The following NID2 variants were observed in gnomAD, a reference collection of about 807,000 sequenced individuals.
NID2 encodes the protein nidogen 2.
NID2 carries 83 observed loss-of-function variants against 145.4 expected under a neutral mutation model. The ratio of observed to expected loss-of-function variants is 0.57; its 90% CI spans 0.48 to 0.69. The LOEUF is 0.69. Among genes scored for constraint, NID2 ranks in the 30% least tolerant of loss-of-function variants. NID2 has a pLI of 0.00. For missense variants in NID2, 1,807 were observed against 1,765.7 expected, an observed-to-expected ratio of 1.02 and a Z score of -0.42; for synonymous variants, 739 against 701.3, an observed-to-expected ratio of 1.05 and a Z score of -0.85.
intron 5 of NID2, among the ~76,000 whole-genome samples, chr14:52,049,815 C>G (rs1369103594): frequency 6.6e-6 from 1 of 152,186 alleles, no homozygotes; most frequent in Non-Finnish European, 1.5e-5. Flanking sequence ...AACAGGCTCT[C>G]TCCACTTCTG....
In NID2 at chr14:52,014,343, G is replaced by A. The variant is rs766481681; in HGVS notation, c.3364C>T (p.Pro1122Ser). ...TTCTGAAGCCTGGTGCCATTGAGGG[G>A]TAAGTAGCCAATCTGCTGGCCCTGA... ...YTQGQQIGYLPLNGTRLQKDA... is the reference protein window; with the variant it reads ...YTQGQQIGYLSLNGTRLQKDA... The change falls in exon 16 of 22, where the codon CCC becomes TCC. Residue 1122 changes from proline (P) to serine (S), a missense_variant. Pro to Ser is a moderately conservative substitution (Grantham distance 74, BLOSUM62 -1). Coordinates refer to ENST00000216286, the MANE Select transcript of NID2 (RefSeq NM_007361.4). 6.2e-6 allele frequency: 10 copies of A among 1,614,142 alleles called. No homozygotes were observed. In the African/African-American group the frequency reaches 8.0e-5, roughly 13 times the overall value.
At chr14:52,060,041 G>T in intron 3 of NID2, 83 bp downstream of exon 3, 1 of 935,820 alleles carries the variant, frequency 1.1e-6, no homozygotes, top group Non-Finnish European at 1.6e-6. Context: ...ATTATGTAAT[G>T]GTCTTATGGT....
rs550507960 is a variant in NID2, at chr14:52,034,494, C to T, written c.2257+4253G>A. ...AAATCAACTCACATTTTCATGTGTT[C>T]ATTTGCTACCTTACAATCCAATATC... is the stretch of plus-strand genomic sequence containing the variant. On this transcript the variant is annotated intron_variant, in intron 9 of 21. Transcript: ENST00000216286. 1.0e-3 allele frequency among the ~76,000 whole-genome samples: 154 copies of T among 152,324 alleles called. 5 individuals carry two copies. In the South Asian group the frequency reaches 0.03, roughly 30 times the overall value.
chr14:52,019,415 ATTTTAT>A, intron 13 of NID2, 121 bp from the exon 14 acceptor site: 1 of 682,806 alleles, frequency 1.5e-6, no homozygotes, highest in East Asian at 2.8e-5. Context: ...CGAGATTCTT[ATTTTAT>A]AATACCTTGC....
At chr14:52,029,445 G>A (rs1381891179) in intron 10 of NID2, 102 bp downstream of exon 10, 6 of 1,075,720 alleles carry the variant, frequency 5.6e-6, no homozygotes, top group Non-Finnish European at 5.4e-6. Context: ...GACAATGGAG[G>A]TTGTAAAGGT....
At chr14:52,030,568 GGAAGGAAGGGAAAGAA>G (rs1891800092) in intron 9 of NID2, among the ~76,000 whole-genome samples, 1 of 37,692 alleles carries the variant, frequency 2.7e-5, no homozygotes, top group Non-Finnish European at 5.8e-5. Context: ...AAGAAAGAAA[GGAAGGAAGGGAAAGAA>G]AGAAAGAAAG....
chr14:52,030,562 A>AC (rs1555363717), intron 9 of NID2, among the ~76,000 whole-genome samples: 1 of 65,002 alleles, frequency 1.5e-5, no homozygotes, highest in East Asian at 3.9e-4. Context: ...GAAAGAAAGA[A>AC]AGAAAGGAAG....
At chr14:52,009,633 C>G (rs1248037587) in intron 18 of NID2, 1 of 152,118 alleles carries the variant, frequency 6.6e-6, no homozygotes, top group East Asian at 1.9e-4. Flanking sequence ...CCCCAGACTC[C>G]AGAGACATGG....
intron 2 of NID2, among the ~76,000 whole-genome samples, chr14:52,065,251 T>C (rs111780994): frequency 2.0e-5 from 3 of 152,300 alleles, no homozygotes; most frequent in African/African-American, 7.2e-5. Context: ...TCCAGTAACT[T>C]TGCAATATAA....
chr14:52,045,459 GATAAAA>G (rs1228968287), intron 5 of NID2, among the ~76,000 whole-genome samples: 2 of 150,388 alleles, frequency 1.3e-5, no homozygotes, highest in Non-Finnish European at 3.0e-5. Flanking sequence ...ATTCCAGTTT[GATAAAA>G]ATAGAAAATT....
rs1276118002 is a variant in NID2 at position 52,027,257 on chromosome 14, C to T, written c.2618G>A (p.Ser873Asn). 1 of 1,592,406 alleles carries T rather than the reference C, an allele frequency of 6.3e-7. No homozygotes were observed. Among genetic ancestry groups the T allele is most frequent in the Non-Finnish European group, 8.5e-7 (1 of 1,169,820 alleles). ...GQARCVHHGGSTFSCACLPGY... is the reference protein window; with the variant it reads ...GQARCVHHGGNTFSCACLPGY... ...AGGCAGGCAGGCACAGCTGAACGTG[C>T]TGCCTCCATGGTGAACACACCGGGC... is the stretch of plus-strand genomic sequence containing the variant. The change falls in exon 12 of 22, where the codon AGC (serine) becomes AAC (asparagine). Residue 873 changes from serine (S) to asparagine (N), a missense_variant. Transcript: ENST00000216286.
intron 9 of NID2, among the ~76,000 whole-genome samples, chr14:52,030,536 G>A (rs926806650): frequency 2.2e-5 from 1 of 44,462 alleles, no homozygotes; most frequent in East Asian, 4.3e-4. Context: ...AAGAAAGAAA[G>A]AAAGAAAGAA....
chr14:52,035,022 C>T (rs905212009), intron 9 of NID2, among the ~76,000 whole-genome samples: 1 of 151,536 alleles, frequency 6.6e-6, no homozygotes, highest in African/African-American at 2.4e-5. Context: ...AAAGTACGAG[C>T]TCCCATATCC....
At chr14:52,012,889 G>C (rs916561878) in intron 16 of NID2, among the ~76,000 whole-genome samples, 14 of 152,142 alleles carry the variant, frequency 9.2e-5, no homozygotes, top group Non-Finnish European at 1.5e-4. Context: ...TTCCTGCCTT[G>C]CCTAACAGCC....
Position 52,027,324 on chromosome 14 carries a change from G to C in NID2, c.2551C>G (p.Pro851Ala). Residue 851 changes from proline to alanine, a missense_variant, in exon 12 of 22, where the codon CCC becomes GCC. By Grantham distance (27) the Pro-to-Ala change is conservative. Transcript: ENST00000216286. ...TCILITPPAN[P>A]CEDGSHTCAP... The stretch of plus-strand genomic sequence containing the variant: ...CAGGTATGACTGCCATCCTCACAGG[G>C]GTTGGCAGGTGGGGTGATCACTGAA... The C allele has an allele frequency of 6.3e-7, 1 of 1,579,426 alleles. No homozygotes were observed. Among genetic ancestry groups the C allele is most frequent in the Non-Finnish European group, 8.6e-7 (1 of 1,164,816 alleles).
Position 52,054,008 on chromosome 14 carries a change from G to A in NID2, c.1069+12C>T, listed in dbSNP as rs762394636. On this transcript the variant is annotated intron_variant, in intron 4 of 21. Coordinates refer to ENST00000216286, the MANE Select transcript of NID2 (RefSeq NM_007361.4). ...GGGGAGGACAGATCAGAATCTGGAG[G>A]GGAGATCCTACCCTCTAAAGGCTTT... 8 of 1,611,774 alleles carry A rather than the reference G, an allele frequency of 5.0e-6. No homozygotes were observed. In the South Asian group the frequency reaches 7.7e-5, roughly 16 times the overall value.
In NID2 at chr14:52,027,285, GC is replaced by G; in HGVS notation, c.2589del (p.Gln864ArgfsTer30). On this transcript the variant is annotated frameshift_variant, in exon 12 of 22. Transcript: ENST00000216286. LOFTEE classifies it high-confidence loss of function. Reference protein sequence around the residue: ...EDGSHTCAPAGQARCVHHGGS... With the variant: ...EDGSHTCAPAXQARCVHHGGS... The stretch of plus-strand genomic sequence containing the variant: ...CCTCCATGGTGAACACACCGGGCCT[GC>G]CCAGCAGGAGCACAGGTATGACTGC... 1 of 1,596,358 alleles carries G rather than the reference GC, an allele frequency of 6.3e-7. No homozygotes were observed. Among genetic ancestry groups the G allele is most frequent in the South Asian group, 1.1e-5 (1 of 88,700 alleles).
At position 52,067,940 on chromosome 14, in the gene NID2, G is replaced by A. The variant is rs747491056; in HGVS notation, c.452C>T (p.Thr151Ile). The part of the protein sequence containing the change: ...RAGFPRSARF[T>I]PTHAFLATWE... The stretch of plus-strand genomic sequence containing the variant: ...GGTGGCCAGGAAGGCGTGGGTGGGG[G>A]TAAAGCGCGCAGAGCGCGGGAAGCC... Residue 151 changes from threonine to isoleucine, a missense_variant, in exon 2 of 22, where the codon ACC becomes ATC. Transcript: ENST00000216286. 4 of 1,612,078 alleles carry A rather than the reference G, an allele frequency of 2.5e-6. No individual in the cohort carries two copies. Among genetic ancestry groups the A allele is most frequent in the South Asian group, 2.2e-5 (2 of 90,914 alleles).
intron 1 of NID2, 51 bp downstream of exon 1, chr14:52,068,716 G>T: frequency 6.6e-7 from 1 of 1,505,654 alleles, no homozygotes; most frequent in South Asian, 1.2e-5. Context: ...CCGTGAGACC[G>T]ACCCCAGGGA....
Sources: allele counts gnomAD v4.1 joint callset (sites outside exome capture counted in the v4.1 genomes callset), GRCh38; gene constraint gnomAD v4.1.1; transcripts MANE v1.5; gene names NCBI Gene and HGNC (gene_info 2026-07-23, HGNC 2026-07-21).